Variants in NTRK3 observed in about 807,000 individuals in gnomAD.
NTRK3 encodes NT-3 growth factor receptor.
In NTRK3, 24 loss-of-function variants were observed where a neutral mutation model predicts 91.7. That is an observed-to-expected ratio of 0.26 (90% CI 0.19 to 0.37). The LOEUF is 0.37. Ranked by LOEUF, NTRK3 falls within the 10% of genes least tolerant of loss-of-function variation. The pLI is 1.00. For missense variants in NTRK3, 880 were observed against 1,068.9 expected, an observed-to-expected ratio of 0.82 and a Z score of 2.46; for synonymous variants, 483 against 404.0, an observed-to-expected ratio of 1.20 and a Z score of -2.34.
intron 3 of NTRK3, among the ~76,000 whole-genome samples, chr15:88,250,222 C>A (rs150111837): frequency 6.0e-4 from 91 of 152,336 alleles, no homozygotes; most frequent in African/African-American, 2.1e-3. Flanking sequence ...GACCCACAAG[C>A]TGGTAAGAGA....
chr15:87,877,013 C>T (rs777725528), exon 19 of NTRK3: 5 of 1,613,454 alleles, frequency 3.1e-6, no homozygotes, highest in Non-Finnish European at 3.4e-6. Context: ...TGATGTTCAA[C>T]CGCTGCTGTG....
At chr15:87,933,183 G>A (rs1263462518) in exon 16 of NTRK3, 2 of 1,614,020 alleles carry the variant, frequency 1.2e-6, no homozygotes, top group Non-Finnish European at 1.7e-6. Context: ...ATCCTTCAGG[G>A]CCTAGGAACA....
chr15:87,875,808 T>C (rs1217758049), exon 19 of NTRK3: 6 of 232,414 alleles, frequency 2.6e-5, no homozygotes, highest in Non-Finnish European at 4.2e-5. Flanking sequence ...TGGGACTCAG[T>C]AGAGACCCAG....
At chr15:87,879,401 C>T (rs1463670039) in intron 18 of NTRK3, among the ~76,000 whole-genome samples, 2 of 152,188 alleles carry the variant, frequency 1.3e-5, no homozygotes, top group Non-Finnish European at 1.5e-5. Context: ...CCTGGGGCAA[C>T]ATGGCATGGT....
At chr15:87,893,877 C>A (rs979331587) in intron 17 of NTRK3, among the ~76,000 whole-genome samples, 3 of 152,168 alleles carry the variant, frequency 2.0e-5, no homozygotes, top group African/African-American at 7.2e-5. Flanking sequence ...CAAGCTTCCT[C>A]TGTATTCCCT....
At position 88,135,390 on chromosome 15, in the gene NTRK3, T is replaced by C. The variant is rs143596335; in HGVS notation, c.915A>G (p.Pro305=). Residue 305 remains proline (P), a synonymous_variant, in exon 10 of 19, where the codon CCA becomes CCG. Transcript: ENST00000394480. ...CAGGCTCCTCCAGGCTCACCACACG[T>C]GGGGGATCTGTCAAGGGAGAAGCCT... 61 of 1,613,680 alleles carry C rather than the reference T, an allele frequency of 3.8e-5. No individual in the cohort carries two copies. In the African/African-American group the frequency reaches 5.5e-4, roughly 14 times the overall value.
intron 10 of NTRK3, among the ~76,000 whole-genome samples, chr15:88,130,708 T>A (rs544266764): frequency 6.6e-6 from 1 of 152,290 alleles, no homozygotes; most frequent in East Asian, 1.9e-4. Context: ...AAACTAGTAT[T>A]CTTGCAAAGT....
exon 19 of NTRK3, chr15:87,861,106 G>A (rs752488636): frequency 8.8e-6 from 2 of 226,564 alleles, no homozygotes; most frequent in Non-Finnish European, 8.8e-6. Flanking sequence ...TTGTTCAGCA[G>A]TTGCCATAAG....
chr15:87,988,239 A>C (rs184147197), intron 14 of NTRK3, among the ~76,000 whole-genome samples: 85 of 152,310 alleles, frequency 5.6e-4, no homozygotes, highest in African/African-American at 2.0e-3. Context: ...CAAAATTGAG[A>C]GATATTCTAC....
At chr15:88,107,357 C>A (rs1319002157) in intron 13 of NTRK3, among the ~76,000 whole-genome samples, 1 of 152,154 alleles carries the variant, frequency 6.6e-6, no homozygotes, top group African/African-American at 2.4e-5. Context: ...GTGAGAGGAT[C>A]ACTTGAGCCC....
chr15:88,186,837 G>A (rs555535278), intron 3 of NTRK3, among the ~76,000 whole-genome samples: 1 of 152,228 alleles, frequency 6.6e-6, no homozygotes, highest in Admixed American at 6.5e-5. Context: ...GAAAACAGTT[G>A]TCGACTCCTG....
chr15:88,135,389 G>T (rs56386352), exon 10 of NTRK3: 12 of 1,613,628 alleles, frequency 7.4e-6, no homozygotes, highest in Middle Eastern at 1.7e-4. Flanking sequence ...CTCACCACAC[G>T]TGGGGGATCT....
At chr15:87,869,115 G>A in exon 19 of NTRK3, 1 of 229,096 alleles carries the variant, frequency 4.4e-6, no homozygotes, top group East Asian at 6.2e-5. Context: ...TCCCTCAGGG[G>A]AAACCCAATA....
At chr15:88,160,021 C>T (rs891230860) in intron 5 of NTRK3, among the ~76,000 whole-genome samples, 35 of 149,304 alleles carry the variant, frequency 2.3e-4, no homozygotes, top group African/African-American at 7.4e-4. Context: ...CCTGGTGAGC[C>T]TAGAGGACGA....
intron 3 of NTRK3, among the ~76,000 whole-genome samples, chr15:88,239,107 C>T (rs1288156706): frequency 2.6e-5 from 4 of 152,186 alleles, no homozygotes; most frequent in Non-Finnish European, 5.9e-5. Context: ...ATAAAATAAT[C>T]CACAAACATG....
At chr15:88,201,498 T>C (rs2048303097) in intron 3 of NTRK3, among the ~76,000 whole-genome samples, 1 of 152,204 alleles carries the variant, frequency 6.6e-6, no homozygotes, top group Non-Finnish European at 1.5e-5. Context: ...CACAGTAGTC[T>C]TCAGCTCAGA....
chr15:88,040,247 A>G lies in NTRK3; in HGVS notation c.1397-7202T>C, dbSNP rs142761636. ...TACACAGAGAAAGCAAAACTTTCTG[A>G]TGGCAACAGTGGAGAGGGAACTTCA... On this transcript the variant is annotated intron_variant, in intron 13 of 18. Coordinates refer to ENST00000394480, the Ensembl canonical transcript of NTRK3. Among the ~76,000 whole-genome samples, 450 of 152,348 alleles carry G rather than the reference A, an allele frequency of 3.0e-3. 1 individual carries two copies. The highest frequency in any genetic ancestry group is 0.01 in the African/African-American group (417 of 41,578).
At chr15:88,167,107 T>A (rs532472668) in intron 5 of NTRK3, among the ~76,000 whole-genome samples, 1 of 152,216 alleles carries the variant, frequency 6.6e-6, no homozygotes, top group Non-Finnish European at 1.5e-5. Flanking sequence ...ATTATCCATA[T>A]AATCACCTAA....
chr15:88,093,354 G>A (rs552365669), intron 13 of NTRK3, among the ~76,000 whole-genome samples: 1 of 152,156 alleles, frequency 6.6e-6, no homozygotes, highest in Non-Finnish European at 1.5e-5. Flanking sequence ...ATAACCACCA[G>A]TTTCAATCTT....
Sources: allele counts gnomAD v4.1 joint callset (sites outside exome capture counted in the v4.1 genomes callset), GRCh38; gene constraint gnomAD v4.1.1; transcripts MANE v1.5; gene names NCBI Gene and HGNC (gene_info 2026-07-23, HGNC 2026-07-21).